Variants in FRAS1 observed in about 807,000 individuals in gnomAD.
FRAS1 encodes the protein extracellular matrix organizing protein FRAS1.
A neutral mutation model predicts 435.2 loss-of-function variants in FRAS1; 290 were observed. The ratio of observed to expected loss-of-function variants is 0.67; its 90% CI spans 0.61 to 0.73. The LOEUF is 0.73. Among genes scored for constraint, FRAS1 ranks in the 30% least tolerant of loss-of-function variants. The probability of loss-of-function intolerance (pLI) is 0.00; values close to 1 mark genes in which losing one functional copy is unlikely to be tolerated. For missense variants in FRAS1, 4,860 were observed against 5,001.5 expected (o/e 0.97, Z 0.85); for synonymous variants, 1,800 against 1,851.0 (o/e 0.97, Z 0.71).
chr4:78,265,494 C>G (rs574960519), intron 7 of FRAS1, among the ~76,000 whole-genome samples: 1 of 152,286 alleles, frequency 6.6e-6, no homozygotes, highest in South Asian at 2.1e-4. Context: ...TCCCCTCACA[C>G]CCCTGCCATC....
In FRAS1 at chr4:78,317,490, G is replaced by T; in HGVS notation, c.1942G>T (p.Asp648Tyr). 2 of 1,613,332 alleles carry T rather than the reference G, an allele frequency of 1.2e-6. No individual in the cohort carries two copies. The highest frequency in any genetic ancestry group is 1.7e-6 in the Non-Finnish European group (2 of 1,179,624). ...LPRCGEGFYS[D>Y]HGVCKACHSS... ...CCGCTGTGGAGAGGGTTTCTACTCT[G>T]ACCATGGAGTCTGCAAAGGTATCGT... The change falls in exon 17 of 74, where the codon GAC becomes TAC. Residue 648 changes from aspartate (D) to tyrosine (Y), a missense_variant. Physicochemically the swap from Asp to Tyr is radical, Grantham distance 160. Transcript: ENST00000512123.
chr4:78,249,323 CTTTTTT>C (rs11308579), intron 4 of FRAS1, among the ~76,000 whole-genome samples: 1 of 47,206 alleles, frequency 2.1e-5, no homozygotes, highest in African/African-American at 7.4e-5. Context: ...GCAGTGGAGC[CTTTTTT>C]TTTTTTTTTT....
At chr4:78,224,381 T>C (rs376666037) in intron 2 of FRAS1, among the ~76,000 whole-genome samples, 23 of 152,354 alleles carry the variant, frequency 1.5e-4, no homozygotes, top group Middle Eastern at 3.4e-3. Flanking sequence ...ATAGTATTTT[T>C]ATGAGGATTC....
chr4:78,114,164 C>G lies in FRAS1; in HGVS notation c.108+48148C>G, dbSNP rs569243739. 1.5e-4 allele frequency among the ~76,000 whole-genome samples: 23 copies of G among 152,242 alleles called. 1 individual carries two copies. The South Asian group carries it at 4.8e-3, about 32-fold the overall frequency. Reference sequence around the variant, plus strand: ...AGGTATGCGGCATTACTTCTGAGGGCTCTGTTCTGTTCCATTGGTCTATAT... The same window carrying G: ...AGGTATGCGGCATTACTTCTGAGGGGTCTGTTCTGTTCCATTGGTCTATAT... On this transcript the variant is annotated intron_variant, in intron 2 of 73. Coordinates refer to ENST00000512123, the MANE Select transcript of FRAS1 (RefSeq NM_025074.7).
Position 78,448,199 on chromosome 4 carries a change from C to A in FRAS1, c.6157C>A (p.Gln2053Lys). 6.2e-7 allele frequency: 1 copy of A among 1,613,510 alleles called. No individual in the cohort carries two copies. The highest frequency in any genetic ancestry group is 1.1e-5 in the South Asian group (1 of 91,050). Reference protein sequence around the residue: ...SVPGMVVDEFQFSLTDGLHVD... With the variant: ...SVPGMVVDEFKFSLTDGLHVD... ...CCCTGGCATGGTCGTGGATGAGTTC[C>A]AGTTCTCCCTCACTGATGGCCTCCA... The change falls in exon 44 of 74, where the codon CAG becomes AAG. Residue 2053 changes from glutamine to lysine, a missense_variant. Transcript: ENST00000512123.
At chr4:78,309,650 C>T (rs536250042) in intron 15 of FRAS1, among the ~76,000 whole-genome samples, 2 of 148,514 alleles carry the variant, frequency 1.3e-5, no homozygotes, top group Admixed American at 6.9e-5. Flanking sequence ...TTTCCTTATG[C>T]ACCTCTGCCT....
chr4:78,494,491 G>A (rs1720454023), intron 59 of FRAS1, among the ~76,000 whole-genome samples: 1 of 152,126 alleles, frequency 6.6e-6, no homozygotes, highest in African/African-American at 2.4e-5. Flanking sequence ...AGGAAAGAGA[G>A]AGGGTAGGGA....
At chr4:78,294,158 C>T (rs891240537) in intron 14 of FRAS1, among the ~76,000 whole-genome samples, 8 of 152,328 alleles carry the variant, frequency 5.3e-5, no homozygotes, top group Non-Finnish European at 8.8e-5. Context: ...TCCCCTGCTT[C>T]TATGCTGCTC....
At chr4:78,336,919 A>G (rs1158280842) in intron 19 of FRAS1, among the ~76,000 whole-genome samples, 3 of 152,152 alleles carry the variant, frequency 2.0e-5, no homozygotes, top group African/African-American at 7.2e-5. Context: ...CTGCAGCTGC[A>G]GCCGCCTCTG....
chr4:78,446,986 C>A, intron 43 of FRAS1, 106 bp downstream of exon 43: 1 of 1,068,540 alleles, frequency 9.4e-7, no homozygotes, highest in Non-Finnish European at 1.3e-6. Flanking sequence ...GTATATGGTA[C>A]ATTCTTTGCA....
At chr4:78,420,585 A>G (rs1191576772) in intron 33 of FRAS1, among the ~76,000 whole-genome samples, 1 of 152,210 alleles carries the variant, frequency 6.6e-6, no homozygotes, top group African/African-American at 2.4e-5. Flanking sequence ...TTCAGTTCTT[A>G]GAATAATCAA....
chr4:78,078,861 A>G (rs563403331), intron 2 of FRAS1, among the ~76,000 whole-genome samples: 91 of 152,136 alleles, frequency 6.0e-4, no homozygotes, highest in Non-Finnish European at 1.1e-3. Context: ...ATAACCTTAT[A>G]CCTGTTTAAA....
At chr4:78,058,349 G>A (rs1036609133) in intron 1 of FRAS1, among the ~76,000 whole-genome samples, 9 of 152,088 alleles carry the variant, frequency 5.9e-5, no homozygotes, top group Admixed American at 4.6e-4. Context: ...GTGGGTGGCC[G>A]ATGGAGGTGA....
At chr4:78,086,022 G>A (rs1741141257) in intron 2 of FRAS1, among the ~76,000 whole-genome samples, 1 of 152,068 alleles carries the variant, frequency 6.6e-6, no homozygotes, top group South Asian at 2.1e-4. Flanking sequence ...CACATAGTTG[G>A]AAGTAAAGCA....
At chr4:78,486,026 A>G (rs770707088) in intron 58 of FRAS1, among the ~76,000 whole-genome samples, 2 of 152,186 alleles carry the variant, frequency 1.3e-5, no homozygotes, top group Admixed American at 6.5e-5. Flanking sequence ...CTGTGCTGGT[A>G]CCTGGAATTA....
At chr4:78,144,861 T>C (rs1720352523) in intron 2 of FRAS1, among the ~76,000 whole-genome samples, 1 of 152,218 alleles carries the variant, frequency 6.6e-6, no homozygotes, top group Non-Finnish European at 1.5e-5. Context: ...AGTGTACCAG[T>C]TACCAAGTGG....
At chr4:78,145,724 A>T (rs1720391578) in intron 2 of FRAS1, among the ~76,000 whole-genome samples, 1 of 152,194 alleles carries the variant, frequency 6.6e-6, no homozygotes, top group Admixed American at 6.5e-5. Flanking sequence ...AAAAGTACTG[A>T]TATGGTTTGG....
chr4:78,511,158 G>T (rs1334299956), intron 63 of FRAS1, 116 bp from the exon 64 acceptor site: 2 of 858,696 alleles, frequency 2.3e-6, no homozygotes, highest in African/African-American at 1.7e-5. Context: ...ATGAATAGAT[G>T]GAAAAATCAA....
At chr4:78,393,058 A>G (rs1353745636) in intron 29 of FRAS1, among the ~76,000 whole-genome samples, 1 of 150,574 alleles carries the variant, frequency 6.6e-6, no homozygotes, top group African/African-American at 2.4e-5. Context: ...AATGATTGAC[A>G]TGTAAAAAGC....
Sources: allele counts gnomAD v4.1 joint callset (sites outside exome capture counted in the v4.1 genomes callset), GRCh38; gene constraint gnomAD v4.1.1; transcripts MANE v1.5; gene names NCBI Gene and HGNC (gene_info 2026-07-23, HGNC 2026-07-21).